GFRA1: variants seen among roughly 807,000 people sequenced by gnomAD.
GFRA1 encodes GDNF family receptor alpha 1.
A neutral mutation model predicts 51.6 loss-of-function variants in GFRA1; 16 were observed. The observed-to-expected ratio is 0.31, with a 90% confidence interval of 0.21 to 0.47. The LOEUF (loss-of-function observed/expected upper bound fraction) is 0.47, where lower values mean the gene tolerates loss of function less well. Among genes scored for constraint, GFRA1 ranks in the 20% least tolerant of loss-of-function variants. GFRA1 has a pLI of 1.00. For missense variants in GFRA1, 530 were observed against 594.3 expected (o/e 0.89, Z 1.13); for synonymous variants, 270 against 241.3 (o/e 1.12, Z -1.10).
chr10:116,096,741 G>C lies in GFRA1; in HGVS notation c.794C>G (p.Thr265Ser). 1 of 1,599,086 alleles carries C rather than the reference G, an allele frequency of 6.3e-7. No homozygotes were observed. The highest frequency in any genetic ancestry group is 1.1e-5 in the South Asian group (1 of 90,356). ...AGACCTTGACTCTGGCTGGCAGTTG[G>C]TAAAAAAATCCGCAAGGCGAGATCT... The part of the protein sequence containing the change: ...ICRSRLADFF[T>S]NCQPESRSVS... Residue 265 changes from threonine to serine, a missense_variant, in exon 7 of 11, where the codon ACC becomes AGC. Physicochemically the swap from Thr to Ser is moderately conservative, Grantham distance 58 (BLOSUM62 1). Coordinates refer to ENST00000355422, the MANE Select transcript of GFRA1 (RefSeq NM_005264.8).
At position 116,211,672 on chromosome 10, in the gene GFRA1, AG is replaced by A. The variant is rs1461709184; in HGVS notation, c.419-28del. On this transcript the variant is annotated intron_variant, in intron 4 of 10. Coordinates refer to ENST00000355422, the MANE Select transcript of GFRA1 (RefSeq NM_005264.8). ...TGCCAAGAAAGAAGAAAAGTAGGGG[AG>A]GGGAGAGGGGAGAAAGAGAGGAGAA... 4 of 1,534,944 alleles carry A rather than the reference AG, an allele frequency of 2.6e-6. No individual in the cohort carries two copies. The South Asian group carries it at 3.6e-5, about 14-fold the overall frequency.
chr10:116,249,436 G>C (rs987241202), intron 4 of GFRA1, among the ~76,000 whole-genome samples: 7 of 152,160 alleles, frequency 4.6e-5, no homozygotes, highest in African/African-American at 1.4e-4. Context: ...CATGGTCCTG[G>C]TAACAGCAAT....
chr10:116,221,848 A>G (rs1349830055), intron 4 of GFRA1, among the ~76,000 whole-genome samples: 1 of 152,232 alleles, frequency 6.6e-6, no homozygotes, highest in Non-Finnish European at 1.5e-5. Context: ...GATACACATT[A>G]ACTTTTTTAA....
upstream of GFRA1, among the ~76,000 whole-genome samples, chr10:116,274,372 C>T (rs1844142626): frequency 6.6e-6 from 1 of 152,216 alleles, no homozygotes; most frequent in African/African-American, 2.4e-5. Context: ...ACCTATCACG[C>T]CAGACAATGG....
intron 4 of GFRA1, among the ~76,000 whole-genome samples, chr10:116,260,722 G>A (rs77049988): frequency 0.036 from 5,532 of 152,178 alleles, 312 homozygotes; most frequent in African/African-American, 0.12. Flanking sequence ...CTGATATGGC[G>A]ATAGACCCTC....
chr10:116,204,744 A>AT (rs1481641025), intron 5 of GFRA1, among the ~76,000 whole-genome samples: 5 of 152,220 alleles, frequency 3.3e-5, no homozygotes, highest in Admixed American at 6.5e-5. Context: ...ATAAATACCT[A>AT]TGAGTTCATA....
intron 4 of GFRA1, among the ~76,000 whole-genome samples, chr10:116,265,247 G>A (rs1010819496): frequency 4.0e-5 from 6 of 151,408 alleles, no homozygotes; most frequent in Non-Finnish European, 8.8e-5. Context: ...CAGAAGCTGG[G>A]ACTTTTCCTT....
At chr10:116,188,678 C>A (rs1430379891) in intron 5 of GFRA1, among the ~76,000 whole-genome samples, 2 of 151,638 alleles carry the variant, frequency 1.3e-5, no homozygotes, top group African/African-American at 4.8e-5. Flanking sequence ...CCGAGGCGGG[C>A]AGATCATTTG....
chr10:116,184,275 T>C (rs1200648499), intron 5 of GFRA1, among the ~76,000 whole-genome samples: 3 of 152,202 alleles, frequency 2.0e-5, no homozygotes, highest in South Asian at 4.1e-4. Flanking sequence ...CCAGATGGCA[T>C]AGGGGAGGCC....
chr10:116,238,823 A>G (rs1032304622), intron 4 of GFRA1, among the ~76,000 whole-genome samples: 3 of 152,208 alleles, frequency 2.0e-5, no homozygotes, highest in African/African-American at 7.2e-5. Flanking sequence ...TAAATGCTAC[A>G]ATGCCAAAAA....
At chr10:116,265,593 G>A (rs762500689) in intron 4 of GFRA1, among the ~76,000 whole-genome samples, 6 of 152,010 alleles carry the variant, frequency 3.9e-5, no homozygotes, top group African/African-American at 9.6e-5. Flanking sequence ...TCTGTGTCTC[G>A]AACTTTTCTG....
chr10:116,197,993 A>G (rs1040104099), intron 5 of GFRA1, among the ~76,000 whole-genome samples: 9 of 152,164 alleles, frequency 5.9e-5, no homozygotes, highest in Non-Finnish European at 1.0e-4. Flanking sequence ...GCCAGATCCT[A>G]TAAGCTGATG....
At chr10:116,235,576 C>A (rs1183057872) in intron 4 of GFRA1, among the ~76,000 whole-genome samples, 4 of 152,116 alleles carry the variant, frequency 2.6e-5, no homozygotes, top group African/African-American at 9.7e-5. Flanking sequence ...GGGGGTGGTC[C>A]ACCATAATTC....
At position 116,064,097 on chromosome 10, in the gene GFRA1, C is replaced by CATCATCATGATCATA; in HGVS notation, c.*300_*301insTATGATCATGATGAT. 3.8e-6 allele frequency: 1 copy of CATCATCATGATCATA among 259,820 alleles called. No homozygotes were observed. Among genetic ancestry groups the CATCATCATGATCATA allele is most frequent in the Non-Finnish European group, 7.2e-6 (1 of 139,522 alleles). The allele number at this position is 259,820 out of a possible 1,614,324, so 16.1% of individuals were successfully genotyped here. ...TCATGATGATCATCATCATGATCAT[C>CATCATCATGATCATA]ATCATCATCGAAAACACAGCCCCAG... On this transcript the variant is annotated 3_prime_UTR_variant, in exon 11 of 11. Transcript: ENST00000355422.
intron 5 of GFRA1, among the ~76,000 whole-genome samples, chr10:116,143,321 ATTTT>A (rs79351306): frequency 7.7e-6 from 1 of 130,086 alleles, no homozygotes; most frequent in African/African-American, 2.5e-5. Flanking sequence ...TGTCAGTTCA[ATTTT>A]TTTTTAATTA....
chr10:116,272,043 G>C lies in GFRA1; in HGVS notation c.-14C>G. On this transcript the variant is annotated 5_prime_UTR_variant, in exon 2 of 11. Transcript: ENST00000355422. This position sits in a 1 kb window ranked among gnomAD's most constrained non-coding sequence, Gnocchi z 4.4. ...CGCCAGGAACATGGTGCCGGCGCGG[G>C]GCTGGTCCCCGCCCCCCCAAAAAAA... is the stretch of plus-strand genomic sequence containing the variant. 6.4e-7 allele frequency: 1 copy of C among 1,552,780 alleles called. No homozygotes were observed. Among genetic ancestry groups the C allele is most frequent in the Non-Finnish European group, 8.7e-7 (1 of 1,148,852 alleles).
At chr10:116,095,503 G>A (rs536251963) in intron 7 of GFRA1, among the ~76,000 whole-genome samples, 177 of 152,306 alleles carry the variant, frequency 1.2e-3, no homozygotes, top group African/African-American at 4.2e-3. Flanking sequence ...GTGAATGCAA[G>A]TTTGGAGTAT....
At chr10:116,069,180 T>G (rs541333685) in intron 9 of GFRA1, among the ~76,000 whole-genome samples, 1 of 149,142 alleles carries the variant, frequency 6.7e-6, no homozygotes, top group Non-Finnish European at 1.5e-5. Flanking sequence ...ATGATATGTC[T>G]TTTAACAAGA....
chr10:116,172,914 G>A (rs903385955), intron 5 of GFRA1, among the ~76,000 whole-genome samples: 31 of 152,286 alleles, frequency 2.0e-4, no homozygotes, highest in Admixed American at 2.0e-3. Flanking sequence ...CAGAAGCCAA[G>A]AGCCCCTTGC....
Sources: gnomAD v4.1 joint callset for allele counts (sites outside exome capture counted in the v4.1 genomes callset) on GRCh38, gnomAD v4.1.1 for gene constraint, Gnocchi (gnomAD v3.1) non-coding constraint, MANE v1.5 for transcripts, NCBI Gene and HGNC (gene_info 2026-07-23, HGNC 2026-07-21) for gene names.